THSD4: variants seen among roughly 807,000 people sequenced by gnomAD.
The protein encoded by THSD4 is thrombospondin type 1 domain containing 4, also known as thrombospondin type-1 domain-containing protein 4.
Under a neutral mutation model 119.0 loss-of-function variants are expected in THSD4, and 69 were observed. The observed-to-expected ratio is 0.58, with a 90% CI of 0.48 to 0.71. The LOEUF is 0.71. Ranked by LOEUF, THSD4 falls within the 30% of genes least tolerant of loss-of-function variation. THSD4 has a pLI of 0.00. For synonymous variants in THSD4, 524 were observed against 540.4 expected, an observed-to-expected ratio of 0.97 and a Z score of 0.42; for missense variants, 1,393 against 1,391.1, an observed-to-expected ratio of 1.00 and a Z score of -0.02.
At chr15:71,493,407 C>G (rs1016330853) in intron 7 of THSD4, among the ~76,000 whole-genome samples, 1 of 152,170 alleles carries the variant, frequency 6.6e-6, no homozygotes, top group Non-Finnish European at 1.5e-5. Flanking sequence ...TTAATGATAA[C>G]CTCTATTTAT....
At chr15:71,322,452 G>A (rs2045281028) in intron 6 of THSD4, among the ~76,000 whole-genome samples, 1 of 152,224 alleles carries the variant, frequency 6.6e-6, no homozygotes, top group Non-Finnish European at 1.5e-5. Context: ...TATTTGGCCT[G>A]ATACGGGGTA....
chr15:71,460,121 C>T (rs552415302), intron 7 of THSD4, among the ~76,000 whole-genome samples: 13 of 152,164 alleles, frequency 8.5e-5, no homozygotes, highest in Middle Eastern at 3.4e-3. Flanking sequence ...CTGTGGCCCA[C>T]GATACCAGTG....
intron 7 of THSD4, among the ~76,000 whole-genome samples, chr15:71,472,822 G>A (rs1377336526): frequency 6.6e-6 from 1 of 152,124 alleles, no homozygotes; most frequent in Non-Finnish European, 1.5e-5. Context: ...GGTAAACTTT[G>A]CATTGTAAAT....
At chr15:71,386,340 G>C (rs996103879) in intron 6 of THSD4, among the ~76,000 whole-genome samples, 6 of 152,152 alleles carry the variant, frequency 3.9e-5, no homozygotes, top group African/African-American at 1.4e-4. Context: ...GCAATTTCCA[G>C]ATTCAGCCAA....
chr15:71,766,960 C>T (rs1184918889), intron 16 of THSD4: 1 of 152,148 alleles, frequency 6.6e-6, no homozygotes, highest in Non-Finnish European at 1.5e-5. Context: ...AAATCAGTGC[C>T]TGCTGGAGGA....
At chr15:71,629,329 G>T (rs754269277) in intron 7 of THSD4, among the ~76,000 whole-genome samples, 1 of 152,160 alleles carries the variant, frequency 6.6e-6, no homozygotes, top group African/African-American at 2.4e-5. Flanking sequence ...GCCTCATCTA[G>T]GGGGCAGGGC....
intron 7 of THSD4, among the ~76,000 whole-genome samples, chr15:71,535,825 T>C (rs1025663047): frequency 1.3e-5 from 2 of 152,248 alleles, no homozygotes; most frequent in African/African-American, 4.8e-5. Context: ...TAGGTTCTGA[T>C]ACAAGTCTCT....
chr15:71,209,911 C>G (rs2043875345), intron 3 of THSD4, among the ~76,000 whole-genome samples: 1 of 152,104 alleles, frequency 6.6e-6, no homozygotes, highest in Admixed American at 6.6e-5. Context: ...CTTCTCTTGT[C>G]TTCTCTTCTC....
At chr15:71,546,105 C>A (rs534574029) in intron 7 of THSD4, among the ~76,000 whole-genome samples, 1 of 152,266 alleles carries the variant, frequency 6.6e-6, no homozygotes, top group Non-Finnish European at 1.5e-5. Flanking sequence ...GTCATCATAA[C>A]CATAGGATGG....
chr15:71,464,893 C>G (rs952399861), intron 7 of THSD4, among the ~76,000 whole-genome samples: 1 of 152,180 alleles, frequency 6.6e-6, no homozygotes, highest in African/African-American at 2.4e-5. Flanking sequence ...CCCCCTCCCC[C>G]TTAAGTCCTC....
intron 6 of THSD4, among the ~76,000 whole-genome samples, chr15:71,292,156 G>T (rs938363267): frequency 6.6e-6 from 1 of 152,204 alleles, no homozygotes. Flanking sequence ...CCAGCATTCT[G>T]CTTGTGGTAA....
At chr15:71,455,268 C>G (rs907398272) in intron 7 of THSD4, among the ~76,000 whole-genome samples, 1 of 152,112 alleles carries the variant, frequency 6.6e-6, no homozygotes, top group African/African-American at 2.4e-5. Flanking sequence ...GATGCAGCAG[C>G]GGCACCACAA....
chr15:71,316,905 A>G (rs1468028202), intron 6 of THSD4, among the ~76,000 whole-genome samples: 4 of 152,232 alleles, frequency 2.6e-5, no homozygotes, highest in Admixed American at 2.6e-4. Flanking sequence ...AACCATTGTC[A>G]ATGCTGACAT....
intron 6 of THSD4, among the ~76,000 whole-genome samples, chr15:71,266,455 G>T (rs1376339718): frequency 1.3e-5 from 2 of 151,732 alleles, no homozygotes; most frequent in African/African-American, 4.8e-5. Flanking sequence ...CACATATGAA[G>T]GTCACCAACA....
chr15:71,424,183 T>A lies in THSD4; in HGVS notation c.1152+12360T>A, dbSNP rs187790212. On this transcript the variant is annotated intron_variant, in intron 7 of 17. Coordinates refer to ENST00000261862, the MANE Select transcript of THSD4 (RefSeq NM_024817.3). ...TTGGCTCATATGAAGGTGCTTTTTT[T>A]AATAAATGGTTGTTAAATTTGGCGT... Among the ~76,000 whole-genome samples, 158 of 152,264 alleles carry A rather than the reference T, an allele frequency of 1.0e-3. 1 individual carries two copies. The highest frequency in any genetic ancestry group is 3.5e-3 in the African/African-American group (146 of 41,562).
chr15:71,207,909 C>A (rs979242746), intron 3 of THSD4, among the ~76,000 whole-genome samples: 1 of 152,266 alleles, frequency 6.6e-6, no homozygotes, highest in African/African-American at 2.4e-5. Context: ...ATTTAGGGTT[C>A]TTTACTGCAA....
At chr15:71,558,280 A>G (rs1185017885) in intron 7 of THSD4, among the ~76,000 whole-genome samples, 1 of 152,186 alleles carries the variant, frequency 6.6e-6, no homozygotes, top group African/African-American at 2.4e-5. Context: ...GTGAGCTGCG[A>G]CTGCACCATT....
At chr15:71,708,491 G>T (rs536486999) in intron 8 of THSD4, among the ~76,000 whole-genome samples, 4 of 152,084 alleles carry the variant, frequency 2.6e-5, no homozygotes, top group Non-Finnish European at 4.4e-5. Flanking sequence ...AATACCAAAC[G>T]TGCAGCCAGA....
intron 5 of THSD4, among the ~76,000 whole-genome samples, chr15:71,253,843 C>T (rs2044285750): frequency 2.0e-5 from 3 of 152,238 alleles, no homozygotes; most frequent in African/African-American, 7.2e-5. Flanking sequence ...TAACCTCTCT[C>T]TGTGTATGTA....
Sources: gnomAD v4.1 joint callset for allele counts (sites outside exome capture counted in the v4.1 genomes callset) on GRCh38, gnomAD v4.1.1 for gene constraint, MANE v1.5 for transcripts, NCBI Gene and HGNC (gene_info 2026-07-23, HGNC 2026-07-21) for gene names.